The following CNOT4 variants were observed in gnomAD, a reference collection of about 807,000 sequenced individuals.
The protein encoded by CNOT4 is CCR4-NOT transcription complex subunit 4, also known as CCR4-associated factor 4.
Under a neutral mutation model 73.8 loss-of-function variants are expected in CNOT4, and 8 were observed. The ratio of observed to expected loss-of-function variants is 0.11; its 90% CI spans 0.06 to 0.20. The LOEUF is 0.20. Ranked by LOEUF, CNOT4 falls within the 10% of genes least tolerant of loss-of-function variation. The pLI, the probability that CNOT4 is intolerant of heterozygous loss-of-function variation, is 1.00. For missense variants in CNOT4, 564 were observed against 883.4 expected, an observed-to-expected ratio of 0.64 and a Z score of 4.58; for synonymous variants, 293 against 321.1, an observed-to-expected ratio of 0.91 and a Z score of 0.94.
chr7:135,440,236 A>AAG (rs1554435972), intron 1 of CNOT4, among the ~76,000 whole-genome samples: 1 of 151,430 alleles, frequency 6.6e-6, no homozygotes, highest in Non-Finnish European at 1.5e-5. Context: ...AAAAAAAAAA[A>AAG]AGAGACAAGA....
intron 1 of CNOT4, among the ~76,000 whole-genome samples, chr7:135,448,025 G>A (rs1256370151): frequency 6.6e-6 from 1 of 152,086 alleles, no homozygotes; most frequent in Non-Finnish European, 1.5e-5. Context: ...GGTGCCATGT[G>A]GTCATACACA....
At chr7:135,508,375 T>A (rs1804507161) in intron 1 of CNOT4, among the ~76,000 whole-genome samples, 1 of 152,242 alleles carries the variant, frequency 6.6e-6, no homozygotes, top group Non-Finnish European at 1.5e-5. Flanking sequence ...AGTTTTCTGC[T>A]TTTTACTGTA....
chr7:135,504,732 C>T (rs570462993), intron 1 of CNOT4, among the ~76,000 whole-genome samples: 3 of 122,698 alleles, frequency 2.4e-5, no homozygotes, highest in Non-Finnish European at 5.1e-5. Context: ...GTGATCCGCC[C>T]GCCTCGGCCT....
intron 10 of CNOT4, among the ~76,000 whole-genome samples, chr7:135,391,351 ATTTCTCTAG>A (rs1344788813): frequency 2.0e-5 from 3 of 152,156 alleles, no homozygotes; most frequent in Non-Finnish European, 4.4e-5. Flanking sequence ...TAAAACTAAA[ATTTCTCTAG>A]TCATCAGAGC....
At chr7:135,431,362 C>T (rs544405483) in intron 2 of CNOT4, among the ~76,000 whole-genome samples, 1 of 152,274 alleles carries the variant, frequency 6.6e-6, no homozygotes, top group East Asian at 1.9e-4. Flanking sequence ...TTCTAAGGAA[C>T]CTATTTAATT....
At chr7:135,487,189 C>CTT (rs34992123) in intron 1 of CNOT4, among the ~76,000 whole-genome samples, 4 of 145,070 alleles carry the variant, frequency 2.8e-5, no homozygotes, top group Non-Finnish European at 4.6e-5. Context: ...TTGGCCCAAT[C>CTT]TTTTTTTTTT....
intron 7 of CNOT4, among the ~76,000 whole-genome samples, chr7:135,408,365 G>A (rs754250824): frequency 6.6e-6 from 1 of 152,006 alleles, no homozygotes; most frequent in East Asian, 1.9e-4. Flanking sequence ...TATGTATTAG[G>A]TTTTCAAATG....
intron 1 of CNOT4, among the ~76,000 whole-genome samples, chr7:135,491,624 A>G (rs891137871): frequency 6.6e-6 from 1 of 152,214 alleles, no homozygotes; most frequent in African/African-American, 2.4e-5. Context: ...CTTAAGAGAG[A>G]ACATGAGAAA....
rs1363377087 is a variant in CNOT4, at chr7:135,468,683, T to C, written c.-92-30260A>G. The stretch of plus-strand genomic sequence containing the variant: ...CCTGGGTGACGAGCAAGACTCTGTC[T>C]CAAAAAAAAAAAAAAAAAAATTTAC... On this transcript the variant is annotated intron_variant, in intron 1 of 11. Transcript: ENST00000541284. 2.7e-4 allele frequency among the ~76,000 whole-genome samples: 18 copies of C among 66,058 alleles called. 1 individual carries two copies. The East Asian group carries it at 8.1e-3, about 30-fold the overall frequency. The allele number at this position is 66,058 out of a possible 152,430, so 43.3% of individuals were successfully genotyped here.
At chr7:135,419,788 C>T (rs1429661508) in intron 3 of CNOT4, among the ~76,000 whole-genome samples, 6 of 151,806 alleles carry the variant, frequency 4.0e-5, no homozygotes, top group Non-Finnish European at 8.8e-5. Context: ...CACACCTGTA[C>T]TCCCAGCACT....
At chr7:135,475,579 G>A (rs1351335094) in intron 1 of CNOT4, among the ~76,000 whole-genome samples, 1 of 152,166 alleles carries the variant, frequency 6.6e-6, no homozygotes, top group Non-Finnish European at 1.5e-5. Context: ...ATTCTAAAAT[G>A]TAAAAGGAAA....
rs61062618 is a variant in CNOT4, at chr7:135,443,188, C to CA, written c.-92-4766dup. Among the ~76,000 whole-genome samples the CA allele has an allele frequency of 9.8e-3, 1,307 of 133,958 alleles. 15 individuals carry two copies. Among genetic ancestry groups the CA allele is most frequent in the African/African-American group, 0.025 (904 of 35,694 alleles). 87.9% of individuals were successfully genotyped at this position (133,958 alleles called of 152,430 possible). On this transcript the variant is annotated intron_variant, in intron 1 of 11. Transcript: ENST00000541284. ...CACCATGGCGAAACCCTATCTCTAC[C>CA]AAAAAAAAAAAAAAAAAATTAGCTG... is the stretch of plus-strand genomic sequence containing the variant.
intron 10 of CNOT4, among the ~76,000 whole-genome samples, chr7:135,374,464 C>T (rs1413912006): frequency 6.6e-6 from 1 of 152,148 alleles, no homozygotes; most frequent in Non-Finnish European, 1.5e-5. Context: ...TGAATCTACA[C>T]AGAACTTGAG....
intron 10 of CNOT4, among the ~76,000 whole-genome samples, chr7:135,382,948 C>T (rs1258142082): frequency 2.0e-5 from 3 of 152,110 alleles, no homozygotes; most frequent in African/African-American, 4.8e-5. Flanking sequence ...ACTACCTCTT[C>T]AGCAATTTTT....
intron 1 of CNOT4, among the ~76,000 whole-genome samples, chr7:135,480,061 C>A (rs1034919870): frequency 1.3e-5 from 2 of 152,088 alleles, no homozygotes; most frequent in Non-Finnish European, 2.9e-5. Flanking sequence ...AGATAACTTG[C>A]AAAAAATGCT....
intron 1 of CNOT4, among the ~76,000 whole-genome samples, chr7:135,497,475 G>A (rs909797866): frequency 5.9e-5 from 9 of 152,048 alleles, no homozygotes; most frequent in African/African-American, 2.2e-4. Flanking sequence ...TATTTATTGA[G>A]CATCTACCAT....
chr7:135,369,497 G>A lies in CNOT4; in HGVS notation c.1628-5431C>T, dbSNP rs566469550. Among the ~76,000 whole-genome samples, 10 of 152,264 alleles carry A rather than the reference G, an allele frequency of 6.6e-5. No individual in the cohort carries two copies. In the East Asian group the frequency reaches 1.7e-3, roughly 26 times the overall value. On this transcript the variant is annotated intron_variant, in intron 10 of 11. Transcript: ENST00000541284. Reference sequence around the variant, plus strand: ...CCATATTTAATGGTCATTACCAAAAGGCTCAATACAACCTGATTTTGTTTT... The same window carrying A: ...CCATATTTAATGGTCATTACCAAAAAGCTCAATACAACCTGATTTTGTTTT...
rs771539296 is a variant in CNOT4, at chr7:135,422,331, A to G, written c.197T>C (p.Val66Ala). Residue 66 changes from valine (V) to alanine (A), a missense_variant, in exon 3 of 12, where the codon GTT becomes GCT. Physicochemically the swap from Val to Ala is moderately conservative, Grantham distance 64 (BLOSUM62 0). Transcript: ENST00000541284. ...CTCTTCCTGGGAGAGTGGTTTATAA[A>G]CTGCTGGGTCTTCTGGATATGGCTT... ...CRKPYPEDPA[V>A]YKPLSQEELQ... The G allele has an allele frequency of 6.5e-7, 1 of 1,529,640 alleles. No individual in the cohort carries two copies. Among genetic ancestry groups the G allele is most frequent in the Non-Finnish European group, 9.1e-7 (1 of 1,103,568 alleles). The allele number at this position is 1,529,640 out of a possible 1,614,324, so 94.8% of individuals were successfully genotyped here. A position where few individuals can be genotyped will look rare whatever the true frequency, so the allele number is the denominator to read the frequency against.
chr7:135,492,748 A>G (rs1165630070), intron 1 of CNOT4, among the ~76,000 whole-genome samples: 1 of 152,206 alleles, frequency 6.6e-6, no homozygotes, highest in Non-Finnish European at 1.5e-5. Context: ...ACTTGGCAAC[A>G]CAGCAAGACC....
Sources: gnomAD v4.1 joint callset for allele counts (sites outside exome capture counted in the v4.1 genomes callset) on GRCh38, gnomAD v4.1.1 for gene constraint, MANE v1.5 for transcripts, NCBI Gene and HGNC (gene_info 2026-07-23, HGNC 2026-07-21) for gene names.